Variants in DLG1 observed in about 807,000 individuals in gnomAD.
DLG1 encodes the protein disks large homolog 1.
Under a neutral mutation model 123.4 loss-of-function variants are expected in DLG1, and 42 were observed. That is an observed-to-expected ratio of 0.34 (90% CI 0.27 to 0.44). The LOEUF (loss-of-function observed/expected upper bound fraction) is 0.44. Among genes scored for constraint, DLG1 ranks in the 20% least tolerant of loss-of-function variants. The pLI, the probability that DLG1 is intolerant of heterozygous loss-of-function variation, is 1.00. For missense variants in DLG1, 942 were observed against 1,082.6 expected (o/e 0.87, Z 1.82); for synonymous variants, 317 against 356.2 (o/e 0.89, Z 1.24).
At chr3:197,283,553 T>C (rs1770373235) in intron 3 of DLG1, among the ~76,000 whole-genome samples, 1 of 152,186 alleles carries the variant, frequency 6.6e-6, no homozygotes, top group South Asian at 2.1e-4. Flanking sequence ...ATCAAATGAC[T>C]TTGCAATCAG....
At chr3:197,269,921 T>G (rs923029956) in intron 4 of DLG1, among the ~76,000 whole-genome samples, 7 of 152,224 alleles carry the variant, frequency 4.6e-5, no homozygotes, top group African/African-American at 1.7e-4. Context: ...TATTGTAAAC[T>G]ATTAATACAA....
intron 4 of DLG1, among the ~76,000 whole-genome samples, chr3:197,257,492 G>A (rs1217978757): frequency 1.3e-5 from 2 of 152,238 alleles, no homozygotes; most frequent in East Asian, 3.9e-4. Context: ...CAGAAGACAA[G>A]GCAAAGCATC....
At chr3:197,224,281 C>G (rs1230182508) in intron 4 of DLG1, among the ~76,000 whole-genome samples, 1 of 152,038 alleles carries the variant, frequency 6.6e-6, no homozygotes, top group Non-Finnish European at 1.5e-5. Context: ...GACTATCAGA[C>G]TAGTCATGAG....
chr3:197,150,802 T>C (rs921939045), intron 5 of DLG1, among the ~76,000 whole-genome samples: 1 of 152,066 alleles, frequency 6.6e-6, no homozygotes, highest in Non-Finnish European at 1.5e-5. Flanking sequence ...TTCAGCACAG[T>C]ACCACAGCTA....
rs555257587 is a variant in DLG1 at position 197,059,785 on chromosome 3, T to C, written c.2483+104A>G. On this transcript the variant is annotated intron_variant, in intron 23 of 24. Coordinates refer to ENST00000667157, the MANE Select transcript of DLG1 (RefSeq NM_001366207.1). ...CTGAGGTGAATAAACATACTACTAT[T>C]ATCTCAATTTTATAGATAAACTGAG... 3.0e-4 allele frequency: 217 copies of C among 712,694 alleles called. 2 individuals are homozygous for C. The East Asian group carries it at 5.8e-3, about 19-fold the overall frequency. The allele number at this position is 712,694 out of a possible 1,614,324, so 44.1% of individuals were successfully genotyped here.
chr3:197,150,176 A>G (rs994855751), intron 5 of DLG1, among the ~76,000 whole-genome samples: 1 of 152,126 alleles, frequency 6.6e-6, no homozygotes, highest in African/African-American at 2.4e-5. Context: ...CAATCATTTC[A>G]TCACCCAGGA....
intron 5 of DLG1, among the ~76,000 whole-genome samples, chr3:197,192,653 T>G (rs562836900): frequency 4.6e-5 from 7 of 152,158 alleles, no homozygotes; most frequent in Admixed American, 4.6e-4. Context: ...TATTCAGCTA[T>G]CCTACATGTA....
chr3:197,081,207 G>C (rs1750937030), intron 16 of DLG1, 90 bp from the exon 17 acceptor site: 1 of 1,207,338 alleles, frequency 8.3e-7, no homozygotes, highest in South Asian at 1.4e-5. Context: ...TTTATAATGG[G>C]CATTTTTATA....
chr3:197,064,240 T>C (rs932510338), intron 22 of DLG1, among the ~76,000 whole-genome samples: 103 of 148,440 alleles, frequency 6.9e-4, no homozygotes, highest in African/African-American at 2.2e-3. Context: ...GTCACCCAGG[T>C]TGGAGTGCAA....
chr3:197,269,008 C>T (rs1414013175), intron 4 of DLG1, among the ~76,000 whole-genome samples: 1 of 152,144 alleles, frequency 6.6e-6, no homozygotes, highest in Non-Finnish European at 1.5e-5. Flanking sequence ...ATGGAGCTAT[C>T]GCCACCTACG....
At chr3:197,199,078 TATC>T (rs1266093662) in intron 4 of DLG1, among the ~76,000 whole-genome samples, 5 of 152,190 alleles carry the variant, frequency 3.3e-5, no homozygotes, top group African/African-American at 1.2e-4. Flanking sequence ...TTATAAAAAT[TATC>T]ATGATAAATT....
chr3:197,102,175 T>C (rs1437530029), intron 14 of DLG1, among the ~76,000 whole-genome samples: 1 of 152,236 alleles, frequency 6.6e-6, no homozygotes, highest in Non-Finnish European at 1.5e-5. Flanking sequence ...CCTTCATATG[T>C]CTTGTAGAGA....
At chr3:197,074,286 G>T (rs1397311408) in intron 18 of DLG1, among the ~76,000 whole-genome samples, 2 of 152,060 alleles carry the variant, frequency 1.3e-5, no homozygotes, top group East Asian at 3.9e-4. Flanking sequence ...GAGATCTTAG[G>T]TCACTCTCCA....
intron 7 of DLG1, 78 bp downstream of exon 7, chr3:197,142,640 A>T: frequency 2.8e-6 from 3 of 1,063,162 alleles, no homozygotes; most frequent in Non-Finnish European, 4.0e-6. Context: ...TTTTTGAGAG[A>T]TCTCCCTTGG....
At chr3:197,153,394 G>A (rs568226243) in intron 5 of DLG1, among the ~76,000 whole-genome samples, 13 of 152,200 alleles carry the variant, frequency 8.5e-5, no homozygotes, top group Admixed American at 2.6e-4. Context: ...GTTAATTTCA[G>A]TGACCTGCAG....
intron 4 of DLG1, among the ~76,000 whole-genome samples, chr3:197,208,431 T>C (rs964202216): frequency 6.8e-6 from 1 of 146,886 alleles, no homozygotes; most frequent in Admixed American, 6.8e-5. Context: ...AATATTGCCA[T>C]GTTTACAATC....
At chr3:197,117,755 C>T (rs546556868) in intron 12 of DLG1, among the ~76,000 whole-genome samples, 6 of 151,998 alleles carry the variant, frequency 3.9e-5, no homozygotes, top group East Asian at 1.9e-4. Flanking sequence ...TGAAGGGTTC[C>T]GAAAATTGTG....
intron 4 of DLG1, among the ~76,000 whole-genome samples, chr3:197,243,192 A>G (rs1749853388): frequency 6.6e-6 from 1 of 152,170 alleles, no homozygotes; most frequent in Non-Finnish European, 1.5e-5. Flanking sequence ...GACTGACTAG[A>G]TTTAGCATTT....
intron 4 of DLG1, among the ~76,000 whole-genome samples, chr3:197,272,911 T>C (rs1247145995): frequency 6.6e-6 from 1 of 152,188 alleles, no homozygotes; most frequent in Non-Finnish European, 1.5e-5. Context: ...TGAGATAAAA[T>C]GGACATGCTA....
Sources: allele counts gnomAD v4.1 joint callset (sites outside exome capture counted in the v4.1 genomes callset), GRCh38; gene constraint gnomAD v4.1.1; transcripts MANE v1.5; gene names NCBI Gene and HGNC (gene_info 2026-07-23, HGNC 2026-07-21).